The following FAM110B variants were observed in gnomAD, a reference collection of about 807,000 sequenced individuals.
The protein encoded by FAM110B is protein FAM110B.
A neutral mutation model predicts 20.4 loss-of-function variants in FAM110B; 6 were observed. The observed-to-expected ratio is 0.29, with a 90% confidence interval of 0.16 to 0.58. The LOEUF is 0.58. FAM110B is among the 20% of genes least tolerant of loss of function. The pLI is 0.90. For missense variants in FAM110B, 434 were observed against 498.2 expected (o/e 0.87, Z 1.23); for synonymous variants, 226 against 214.1 (o/e 1.06, Z -0.49).
intron 2 of FAM110B, among the ~76,000 whole-genome samples, chr8:58,043,677 A>G (rs1445327426): frequency 2.0e-5 from 3 of 152,066 alleles, no homozygotes; most frequent in East Asian, 1.9e-4. Context: ...TTCTGCTTTG[A>G]TTTTTTTACC....
chr8:58,062,687 C>T (rs552330600), intron 2 of FAM110B, among the ~76,000 whole-genome samples: 2 of 152,280 alleles, frequency 1.3e-5, no homozygotes, highest in African/African-American at 4.8e-5. Flanking sequence ...TGGTAACAAT[C>T]CATAAAATTT....
chr8:58,072,122 A>G (rs1585861180), intron 2 of FAM110B, among the ~76,000 whole-genome samples: 1 of 152,044 alleles, frequency 6.6e-6, no homozygotes, highest in African/African-American at 2.4e-5. Context: ...GTGTGGATCC[A>G]TCTCGCTCTC....
chr8:58,145,684 T>G (rs1345420062), intron 3 of FAM110B, among the ~76,000 whole-genome samples: 1 of 152,238 alleles, frequency 6.6e-6, no homozygotes, highest in Non-Finnish European at 1.5e-5. Context: ...CCTCAGCCCT[T>G]TCTTTCTTCC....
At chr8:58,126,694 C>G (rs1236164683) in intron 3 of FAM110B, among the ~76,000 whole-genome samples, 35 of 151,970 alleles carry the variant, frequency 2.3e-4, no homozygotes, top group Admixed American at 2.3e-3. Flanking sequence ...TCTATTTGCC[C>G]TTTTTATATG....
chr8:58,094,196 A>T (rs2150605506), intron 3 of FAM110B, among the ~76,000 whole-genome samples: 1 of 152,350 alleles, frequency 6.6e-6, no homozygotes. Context: ...ATCTGCAAAC[A>T]GAGACAATTT....
chr8:58,046,124 A>G (rs540547240), intron 2 of FAM110B, among the ~76,000 whole-genome samples: 1 of 152,270 alleles, frequency 6.6e-6, no homozygotes, highest in East Asian at 1.9e-4. Context: ...TTTTTCTGCT[A>G]TGATCTTATT....
intron 1 of FAM110B, among the ~76,000 whole-genome samples, chr8:58,013,719 G>A (rs1436469197): frequency 6.6e-6 from 1 of 152,186 alleles, no homozygotes; most frequent in Admixed American, 6.5e-5. Context: ...ATAAACTACA[G>A]TTGCTATTGC....
intron 3 of FAM110B, among the ~76,000 whole-genome samples, chr8:58,080,813 C>T (rs1806170132): frequency 6.6e-6 from 1 of 152,188 alleles, no homozygotes; most frequent in African/African-American, 2.4e-5. Context: ...CTGCCCTCTC[C>T]TTGCATGGTC....
intron 3 of FAM110B, among the ~76,000 whole-genome samples, chr8:58,134,618 T>C (rs1180592489): frequency 6.6e-6 from 1 of 152,256 alleles, no homozygotes. Flanking sequence ...AGGGCTTTAC[T>C]AAAAATAGCA....
chr8:58,018,198 C>T (rs1804676824), intron 1 of FAM110B, among the ~76,000 whole-genome samples: 1 of 152,136 alleles, frequency 6.6e-6, no homozygotes. Context: ...TGCTAAAAAT[C>T]TTCACCTGTG....
At chr8:58,143,891 C>T (rs113432506) in intron 3 of FAM110B, among the ~76,000 whole-genome samples, 204 of 152,314 alleles carry the variant, frequency 1.3e-3, no homozygotes, top group African/African-American at 4.3e-3. Context: ...CTTCAGAGAG[C>T]GTTGGCCTAA....
intron 2 of FAM110B, among the ~76,000 whole-genome samples, chr8:58,034,804 G>C (rs549164579): frequency 2.2e-3 from 335 of 152,290 alleles, no homozygotes; most frequent in African/African-American, 7.3e-3. Flanking sequence ...ACATTGTGCT[G>C]GGCGCATAGT....
At position 58,147,157 on chromosome 8, in the gene FAM110B, C is replaced by T; in HGVS notation, c.927C>T (p.Arg309=). Residue 309 remains arginine (R), a synonymous_variant, in exon 4 of 4, where the codon CGC becomes CGT. Coordinates refer to ENST00000519262, the MANE Select transcript of FAM110B (RefSeq NM_001377989.1). ...ANSDIISLNF[R]SASMISSDCE... is the part of the protein sequence containing the mutation. ...CTGACATAATATCCCTCAACTTCCG[C>T]AGCGCAAGCATGATCAGCTCAGACT... 1 of 1,614,162 alleles carries T rather than the reference C, an allele frequency of 6.2e-7. No individual in the cohort carries two copies. Among genetic ancestry groups the T allele is most frequent in the Non-Finnish European group, 8.5e-7 (1 of 1,180,046 alleles).
intron 2 of FAM110B, among the ~76,000 whole-genome samples, chr8:58,049,541 T>C (rs1397527427): frequency 6.6e-6 from 1 of 152,100 alleles, no homozygotes; most frequent in Non-Finnish European, 1.5e-5. Context: ...GCAGATGGAT[T>C]GACGGAGGAT....
intron 1 of FAM110B, among the ~76,000 whole-genome samples, chr8:58,020,283 A>T (rs1804724941): frequency 6.6e-6 from 1 of 152,058 alleles, no homozygotes; most frequent in South Asian, 2.1e-4. Context: ...GTCATTGGAG[A>T]TTCTGTTCTT....
chr8:58,125,102 CT>C (rs1197817149), intron 3 of FAM110B, among the ~76,000 whole-genome samples: 19 of 152,144 alleles, frequency 1.2e-4, no homozygotes, highest in Admixed American at 3.3e-4. Context: ...AATCCCAGCA[CT>C]TTAGGAAGCC....
At chr8:58,087,874 A>C (rs1471240565) in intron 3 of FAM110B, among the ~76,000 whole-genome samples, 1 of 152,228 alleles carries the variant, frequency 6.6e-6, no homozygotes, top group Non-Finnish European at 1.5e-5. Context: ...GCCAGTGCCC[A>C]GTTTAAAAAT....
chr8:58,075,276 TG>T (rs1279960074), intron 2 of FAM110B, among the ~76,000 whole-genome samples: 159 of 127,152 alleles, frequency 1.3e-3, no homozygotes, highest in African/African-American at 5.2e-3. Flanking sequence ...TTTTTTTTTT[TG>T]TGTGTGTGTG....
intron 2 of FAM110B, among the ~76,000 whole-genome samples, chr8:58,045,044 T>C (rs1391545555): frequency 6.6e-6 from 1 of 152,246 alleles, no homozygotes; most frequent in Non-Finnish European, 1.5e-5. Context: ...AAAGCATTAT[T>C]TTAAAAATTA....
Sources: allele counts gnomAD v4.1 joint callset (sites outside exome capture counted in the v4.1 genomes callset), GRCh38; gene constraint gnomAD v4.1.1; transcripts MANE v1.5; gene names NCBI Gene and HGNC (gene_info 2026-07-23, HGNC 2026-07-21).